RPA1: variants seen among roughly 807,000 people sequenced by gnomAD.
RPA1 encodes the protein replication protein A1.
Under a neutral mutation model 83.0 loss-of-function variants are expected in RPA1, and 49 were observed. The ratio of observed to expected loss-of-function variants is 0.59; its 90% CI spans 0.47 to 0.75. The LOEUF is 0.75. Among genes scored for constraint, RPA1 ranks in the 30% least tolerant of loss-of-function variants. The probability of loss-of-function intolerance (pLI) is 0.00; values close to 1 mark genes in which losing one functional copy is unlikely to be tolerated. For synonymous variants in RPA1, 279 were observed against 281.8 expected, an observed-to-expected ratio of 0.99 and a Z score of 0.10; for missense variants, 693 against 776.1, an observed-to-expected ratio of 0.89 and a Z score of 1.27.
At position 1,879,699 on chromosome 17, in the gene RPA1, T is replaced by A; in HGVS notation, c.1092T>A (p.Asp364Glu). The change falls in exon 11 of 17, where the codon GAT becomes GAA. Residue 364 changes from aspartate to glutamate, a missense_variant and splice_region_variant. Asp to Glu is a conservative substitution (Grantham distance 45, BLOSUM62 2). Coordinates refer to ENST00000254719, the MANE Select transcript of RPA1 (RefSeq NM_002945.5). ...KVVTATLWGEDADKFDGSRQP... is the reference protein window; with the variant it reads ...KVVTATLWGEEADKFDGSRQP... The stretch of plus-strand genomic sequence containing the variant: ...TGACTGCTACACTGTGGGGGGAAGA[T>A]GTAAGTGCTGGGATGGGGTCTTCAA... The A allele has an allele frequency of 6.2e-7, 1 of 1,614,172 alleles. No homozygotes were observed. The highest frequency in any genetic ancestry group is 1.1e-5 in the South Asian group (1 of 91,086).
chr17:1,860,685 G>T (rs1490772805), intron 5 of RPA1, among the ~76,000 whole-genome samples: 2 of 152,118 alleles, frequency 1.3e-5, no homozygotes, highest in African/African-American at 4.8e-5. Context: ...TGGTGTCTGT[G>T]TTAGGTCCGG....
Position 1,879,345 on chromosome 17 carries a change from C to T in RPA1, c.890C>T (p.Thr297Met), listed in dbSNP as rs748142186. The T allele has an allele frequency of 1.6e-5, 26 of 1,614,020 alleles. No homozygotes were observed. Among genetic ancestry groups the T allele is most frequent in the African/African-American group, 4.0e-5 (3 of 74,900 alleles). ...TGTGAGGACGACCATCATTTACCTA[C>T]GGTTCAGTTTGATTTCACGGGGATT... ...MPCEDDHHLPTVQFDFTGIDD... is the reference protein window; with the variant it reads ...MPCEDDHHLPMVQFDFTGIDD... Residue 297 changes from threonine (T) to methionine (M), a missense_variant, in exon 10 of 17, where the codon ACG (threonine) becomes ATG (methionine). Thr to Met is a moderately conservative substitution (Grantham distance 81). Coordinates refer to ENST00000254719, the MANE Select transcript of RPA1 (RefSeq NM_002945.5).
chr17:1,864,051 T>A (rs1913086455), intron 5 of RPA1, among the ~76,000 whole-genome samples: 1 of 152,232 alleles, frequency 6.6e-6, no homozygotes, highest in Non-Finnish European at 1.5e-5. Flanking sequence ...AGCTGGAAGA[T>A]GTTCATGTGG....
intron 4 of RPA1, among the ~76,000 whole-genome samples, chr17:1,845,860 G>A (rs1040655381): frequency 2.0e-5 from 3 of 152,274 alleles, no homozygotes; most frequent in South Asian, 2.1e-4. Context: ...TGAGCCCTGA[G>A]AGGTGAAGGT....
At chr17:1,849,043 TG>T (rs1912372893) in intron 4 of RPA1, among the ~76,000 whole-genome samples, 1 of 152,220 alleles carries the variant, frequency 6.6e-6, no homozygotes, top group South Asian at 2.1e-4. Context: ...ATAGATAATC[TG>T]TCTAGGAAAG....
chr17:1,858,904 AT>A (rs1258736709), intron 5 of RPA1, among the ~76,000 whole-genome samples: 15 of 79,096 alleles, frequency 1.9e-4, no homozygotes, highest in East Asian at 3.9e-4. Context: ...TTTTTATTTT[AT>A]TTTTTTTTTT....
intron 6 of RPA1, among the ~76,000 whole-genome samples, chr17:1,874,006 A>AT (rs1384449496): frequency 4.0e-5 from 4 of 101,108 alleles, no homozygotes; most frequent in African/African-American, 1.5e-4. Flanking sequence ...AAAAAAAAAA[A>AT]AAAAAAATAT....
Position 1,830,027 on chromosome 17 carries a change from G to A in RPA1, c.-67G>A. The A allele has an allele frequency of 8.1e-7, 1 of 1,240,724 alleles. No homozygotes were observed. Among genetic ancestry groups the A allele is most frequent in the South Asian group, 4.1e-5 (1 of 24,292 alleles). 76.9% of individuals were successfully genotyped at this position (1,240,724 alleles called of 1,614,324 possible). A position where few individuals can be genotyped will look rare whatever the true frequency, so the allele number is the denominator to read the frequency against. On this transcript the variant is annotated 5_prime_UTR_variant, in exon 1 of 17. Coordinates refer to ENST00000254719, the MANE Select transcript of RPA1 (RefSeq NM_002945.5). ...CTTCTCGGGCCAATAACTGCGCAGCGCGCGGGACCCGGGTGGGGAAGCTGG... is the reference window on the plus strand; with the variant it reads ...CTTCTCGGGCCAATAACTGCGCAGCACGCGGGACCCGGGTGGGGAAGCTGG...
Position 1,883,876 on chromosome 17 carries a change from G to A in RPA1, c.1306G>A (p.Gly436Arg), listed in dbSNP as rs771309470. The A allele has an allele frequency of 5.6e-6, 9 of 1,614,150 alleles. No homozygotes were observed. Among genetic ancestry groups the A allele is most frequent in the East Asian group, 4.5e-5 (2 of 44,890 alleles). The stretch of plus-strand genomic sequence containing the variant: ...CTCTGATCTAAAGAGCGGCGGAGTC[G>A]GAGGGAGTAACACCAACTGGAAAAC... ...SISDLKSGGV[G>R]GSNTNWKTLY... Residue 436 changes from glycine to arginine, a missense_variant, in exon 13 of 17, where the codon GGA becomes AGA. Coordinates refer to ENST00000254719, the MANE Select transcript of RPA1 (RefSeq NM_002945.5).
At position 1,875,640 on chromosome 17, in the gene RPA1, C is replaced by T. The variant is rs17292063; in HGVS notation, c.455-21C>T. Reference sequence around the variant, plus strand: ...AAGTAGAATAGTAATAACTCCTTTTCGTTTGCGTTTGTTTTTAAAGGTTCT... The same window carrying T: ...AAGTAGAATAGTAATAACTCCTTTTTGTTTGCGTTTGTTTTTAAAGGTTCT... On this transcript the variant is annotated intron_variant, in intron 6 of 16. Coordinates refer to ENST00000254719, the MANE Select transcript of RPA1 (RefSeq NM_002945.5). 5.6e-5 allele frequency: 89 copies of T among 1,602,416 alleles called. No homozygotes were observed. The African/African-American group carries it at 8.5e-4, about 15-fold the overall frequency.
chr17:1,870,508 A>C (rs767862370), intron 5 of RPA1, among the ~76,000 whole-genome samples: 2 of 152,264 alleles, frequency 1.3e-5, no homozygotes, highest in African/African-American at 4.8e-5. Flanking sequence ...AGTTTTAAGC[A>C]TACAGTTCAG....
chr17:1,857,061 T>G (rs1311140218), intron 5 of RPA1, among the ~76,000 whole-genome samples: 1 of 152,130 alleles, frequency 6.6e-6, no homozygotes, highest in Non-Finnish European at 1.5e-5. Flanking sequence ...GATCTTTTTT[T>G]CTAACATAGG....
chr17:1,893,073 CTGTT>C (rs1302250789), intron 15 of RPA1, among the ~76,000 whole-genome samples: 1 of 152,214 alleles, frequency 6.6e-6, no homozygotes, highest in Non-Finnish European at 1.5e-5. Flanking sequence ...CCAGTTCTGT[CTGTT>C]TGGGCTCTGC....
chr17:1,889,777 G>A (rs928335393), intron 14 of RPA1, among the ~76,000 whole-genome samples: 2 of 151,198 alleles, frequency 1.3e-5, no homozygotes, highest in African/African-American at 2.4e-5. Context: ...AGGCGGGTGC[G>A]TCACCTGAGA....
Position 1,897,111 on chromosome 17 carries a change from C to T in RPA1, c.1787C>T (p.Pro596Leu), listed in dbSNP as rs867853980. 2.5e-6 allele frequency: 4 copies of T among 1,573,292 alleles called. No individual in the cohort carries two copies. Among genetic ancestry groups the T allele is most frequent in the Non-Finnish European group, 3.5e-6 (4 of 1,159,022 alleles). Residue 596 changes from proline (P) to leucine (L), a missense_variant, in exon 17 of 17, where the codon CCC becomes CTC. Coordinates refer to ENST00000254719, the MANE Select transcript of RPA1 (RefSeq NM_002945.5). ...AAGGCCACTGTGATGGACGTGAAGC[C>T]CGTGGACTACAGAGAGTATGGCCGA... is the stretch of plus-strand genomic sequence containing the variant. ...RIKATVMDVK[P>L]VDYREYGRRL...
At chr17:1,848,001 C>A (rs1337770037) in intron 4 of RPA1, among the ~76,000 whole-genome samples, 1 of 128,064 alleles carries the variant, frequency 7.8e-6, no homozygotes, top group African/African-American at 2.5e-5. Context: ...CAGAGCAAGA[C>A]CCCATCTCCA....
chr17:1,833,722 C>T (rs920647667), intron 1 of RPA1, among the ~76,000 whole-genome samples: 13 of 151,940 alleles, frequency 8.6e-5, no homozygotes, highest in Admixed American at 2.6e-4. Flanking sequence ...GGTGTGGGGG[C>T]GCATGCCTGG....
At chr17:1,855,007 A>T (rs1912637241) in intron 5 of RPA1, among the ~76,000 whole-genome samples, 2 of 152,198 alleles carry the variant, frequency 1.3e-5, no homozygotes, top group African/African-American at 2.4e-5. Flanking sequence ...GTTTTCTTAG[A>T]GTCTTTTTAT....
chr17:1,855,169 T>G (rs1912642755), intron 5 of RPA1, among the ~76,000 whole-genome samples: 1 of 152,106 alleles, frequency 6.6e-6, no homozygotes, highest in South Asian at 2.1e-4. Flanking sequence ...TTACATTGAT[T>G]GATTTTTTTT....
Sources: gnomAD v4.1 joint callset for allele counts (sites outside exome capture counted in the v4.1 genomes callset) on GRCh38, gnomAD v4.1.1 for gene constraint, MANE v1.5 for transcripts, NCBI Gene and HGNC (gene_info 2026-07-23, HGNC 2026-07-21) for gene names.